Variants in TRAPPC9 observed in about 807,000 individuals in gnomAD.
TRAPPC9 encodes IKK2 binding protein.
In TRAPPC9, 83 loss-of-function variants were observed where a neutral mutation model predicts 124.0. That is an observed-to-expected ratio of 0.67 (90% confidence interval 0.56 to 0.80). The LOEUF (loss-of-function observed/expected upper bound fraction) is 0.80. Among genes scored for constraint, TRAPPC9 ranks in the 30% least tolerant of loss-of-function variants. TRAPPC9 has a pLI of 0.00. For synonymous variants in TRAPPC9, 638 were observed against 617.5 expected (o/e 1.03, Z -0.49); for missense variants, 1,302 against 1,508.3 (o/e 0.86, Z 2.27).
At chr8:140,314,978 A>G (rs534839129) in intron 9 of TRAPPC9, among the ~76,000 whole-genome samples, 8 of 152,208 alleles carry the variant, frequency 5.3e-5, no homozygotes, top group Non-Finnish European at 5.9e-5. Context: ...AAGATCATAC[A>G]GTGGTTCTAT....
chr8:139,886,108 A>G (rs1363748659), intron 20 of TRAPPC9, 139 bp from the exon 21 acceptor site: 1 of 791,378 alleles, frequency 1.3e-6, no homozygotes, highest in African/African-American at 1.7e-5. Context: ...CTGTCTAACC[A>G]ACCACTATGA....
intron 21 of TRAPPC9, among the ~76,000 whole-genome samples, chr8:139,821,401 A>T (rs887804460): frequency 4.6e-5 from 7 of 152,222 alleles, no homozygotes; most frequent in Non-Finnish European, 8.8e-5. Flanking sequence ...TGGTACTTGG[A>T]GAGTATGCTG....
At chr8:140,426,226 A>T (rs933409993) in intron 5 of TRAPPC9, among the ~76,000 whole-genome samples, 3 of 152,244 alleles carry the variant, frequency 2.0e-5, no homozygotes, top group African/African-American at 7.2e-5. Context: ...TTAAGAACAC[A>T]CAGACGAAAT....
chr8:139,903,406 G>T (rs1262631056), intron 20 of TRAPPC9, among the ~76,000 whole-genome samples: 1 of 152,118 alleles, frequency 6.6e-6, no homozygotes, highest in Non-Finnish European at 1.5e-5. Context: ...CAGCCAAACT[G>T]CGCACCCAAT....
chr8:139,833,927 T>C (rs935282990), intron 21 of TRAPPC9, among the ~76,000 whole-genome samples: 1 of 152,102 alleles, frequency 6.6e-6, no homozygotes, highest in Non-Finnish European at 1.5e-5. Flanking sequence ...TGAGAGCCCC[T>C]GGTGAGGAGG....
At chr8:140,058,302 C>T (rs1842404136) in intron 17 of TRAPPC9, among the ~76,000 whole-genome samples, 1 of 152,158 alleles carries the variant, frequency 6.6e-6, no homozygotes, top group African/African-American at 2.4e-5. Context: ...AAAATGCCCT[C>T]CCTGTAAATG....
intron 8 of TRAPPC9, among the ~76,000 whole-genome samples, chr8:140,368,741 C>T (rs140655389): frequency 8.8e-4 from 134 of 152,278 alleles, no homozygotes; most frequent in African/African-American, 1.9e-3. Flanking sequence ...CACTGCCCGC[C>T]TGACTCTCCT....
intron 21 of TRAPPC9, among the ~76,000 whole-genome samples, chr8:139,769,332 C>A (rs1043094421): frequency 1.3e-5 from 2 of 152,174 alleles, no homozygotes; most frequent in African/African-American, 4.8e-5. Context: ...ATAAGAGTGA[C>A]TGAATGCCAG....
At chr8:140,439,410 G>C (rs1456438502) in intron 2 of TRAPPC9, among the ~76,000 whole-genome samples, 1 of 152,194 alleles carries the variant, frequency 6.6e-6, no homozygotes, top group African/African-American at 2.4e-5. Flanking sequence ...GTTTAAAGGT[G>C]ATCGGTACGT....
At chr8:140,045,648 A>C (rs1471268883) in intron 17 of TRAPPC9, among the ~76,000 whole-genome samples, 1 of 143,574 alleles carries the variant, frequency 7.0e-6, no homozygotes. Flanking sequence ...AAAAAAAAAA[A>C]AAAAAAAAAA....
At chr8:140,224,700 T>G (rs1438881884) in intron 16 of TRAPPC9, among the ~76,000 whole-genome samples, 1 of 152,218 alleles carries the variant, frequency 6.6e-6, no homozygotes, top group Non-Finnish European at 1.5e-5. Flanking sequence ...TTTACCTTTA[T>G]GTATTGGTAA....
At chr8:139,803,630 C>T (rs1288964991) in intron 21 of TRAPPC9, among the ~76,000 whole-genome samples, 2 of 152,214 alleles carry the variant, frequency 1.3e-5, no homozygotes, top group East Asian at 1.9e-4. Flanking sequence ...ACATATCAGC[C>T]CATCAACAAA....
At chr8:139,886,409 A>G (rs150194085) in intron 20 of TRAPPC9, among the ~76,000 whole-genome samples, 39 of 152,320 alleles carry the variant, frequency 2.6e-4, no homozygotes, top group Admixed American at 1.2e-3. Context: ...TGATGTAATT[A>G]CACATATTAT....
chr8:140,243,053 C>A (rs1479815929), intron 16 of TRAPPC9, among the ~76,000 whole-genome samples: 1 of 152,130 alleles, frequency 6.6e-6, no homozygotes, highest in African/African-American at 2.4e-5. Flanking sequence ...AAGCTTAGTG[C>A]GCAGAACCCC....
chr8:139,914,218 G>A (rs1831948125), intron 19 of TRAPPC9: 1 of 152,532 alleles, frequency 6.6e-6, no homozygotes, highest in Non-Finnish European at 1.5e-5. Context: ...GGTGGCTGGA[G>A]AGATGTGGAC....
intron 16 of TRAPPC9, among the ~76,000 whole-genome samples, chr8:140,242,213 C>A (rs908387376): frequency 6.6e-6 from 1 of 151,770 alleles, no homozygotes; most frequent in Non-Finnish European, 1.5e-5. Flanking sequence ...AAGTGAGGAG[C>A]CCATTTGTTT....
chr8:139,840,792 C>G (rs1243973038), intron 21 of TRAPPC9, among the ~76,000 whole-genome samples: 1 of 152,210 alleles, frequency 6.6e-6, no homozygotes, highest in African/African-American at 2.4e-5. Flanking sequence ...AGCCCAGGGT[C>G]GCTCACCAAG....
chr8:140,198,618 G>T (rs966135480), intron 17 of TRAPPC9, among the ~76,000 whole-genome samples: 1 of 152,180 alleles, frequency 6.6e-6, no homozygotes, highest in African/African-American at 2.4e-5. Context: ...AGACTGATTT[G>T]AGTAGTAATA....
intron 19 of TRAPPC9, among the ~76,000 whole-genome samples, chr8:139,969,135 G>A (rs966052939): frequency 3.3e-5 from 5 of 152,252 alleles, no homozygotes; most frequent in African/African-American, 9.6e-5. Context: ...AAAGATGAGC[G>A]AAGGGAATTG....
Sources: allele counts gnomAD v4.1 joint callset (sites outside exome capture counted in the v4.1 genomes callset), GRCh38; gene constraint gnomAD v4.1.1; transcripts MANE v1.5; gene names NCBI Gene and HGNC (gene_info 2026-07-23, HGNC 2026-07-21).